Variants in UBR3 observed in about 807,000 individuals in gnomAD.
UBR3 encodes ubiquitin protein ligase E3 component n-recognin 3, also known as E3 ubiquitin-protein ligase UBR3.
Under a neutral mutation model 243.2 loss-of-function variants are expected in UBR3, and 85 were observed. That is an observed-to-expected ratio of 0.35 (90% CI 0.29 to 0.42). UBR3 has a LOEUF of 0.42. Among genes scored for constraint, UBR3 ranks in the 10% least tolerant of loss-of-function variants. The pLI is 1.00. For missense variants in UBR3, 1,686 were observed against 2,300.8 expected (o/e 0.73, Z 5.47); for synonymous variants, 748 against 799.8 (o/e 0.94, Z 1.09).
At chr2:169,871,768 A>AGAT (rs1488981742) in intron 1 of UBR3, among the ~76,000 whole-genome samples, 1 of 151,712 alleles carries the variant, frequency 6.6e-6, no homozygotes, top group African/African-American at 2.4e-5. Context: ...AATATAAACA[A>AGAT]GATTAGAAGG....
chr2:170,079,422 G>A (rs1574490866), intron 36 of UBR3, among the ~76,000 whole-genome samples: 1 of 152,086 alleles, frequency 6.6e-6, no homozygotes, highest in East Asian at 1.9e-4. Context: ...AATTGTTTGA[G>A]AATGATCAAA....
At chr2:170,055,396 T>G in intron 32 of UBR3, 64 bp from the exon 33 acceptor site, 1 of 1,556,214 alleles carries the variant, frequency 6.4e-7, no homozygotes, top group Non-Finnish European at 8.7e-7. Flanking sequence ...CATATATTTG[T>G]AAAACTATGT....
rs543247397 is a variant in UBR3 at position 169,921,540 on chromosome 2, G to A, written c.1867-2389G>A. On this transcript the variant is annotated intron_variant, in intron 11 of 38. Transcript: ENST00000272793. Reference sequence around the variant, plus strand: ...CCTGAAAGATAAAATAGGGTCCATGGCTTACTAGTTAATAGCAATATGTAC... The same window carrying A: ...CCTGAAAGATAAAATAGGGTCCATGACTTACTAGTTAATAGCAATATGTAC... Among the ~76,000 whole-genome samples the A allele has an allele frequency of 3.9e-5, 6 of 152,276 alleles. No homozygotes were observed. In the South Asian group the frequency reaches 6.2e-4, roughly 16 times the overall value.
chr2:170,079,395 T>C (rs771037221), intron 36 of UBR3, among the ~76,000 whole-genome samples: 1 of 152,178 alleles, frequency 6.6e-6, no homozygotes, highest in Non-Finnish European at 1.5e-5. Flanking sequence ...TGATCTGTCC[T>C]AAAGAAAAAG....
At chr2:169,927,921 A>T (rs756256368) in intron 17 of UBR3, among the ~76,000 whole-genome samples, 1 of 152,250 alleles carries the variant, frequency 6.6e-6, no homozygotes, top group African/African-American at 2.4e-5. Flanking sequence ...TGAACATACA[A>T]TGAGAATCTG....
At chr2:170,010,807 C>G (rs1414381142) in intron 29 of UBR3, among the ~76,000 whole-genome samples, 1 of 152,024 alleles carries the variant, frequency 6.6e-6, no homozygotes, top group African/African-American at 2.4e-5. Context: ...TGGAATTCCC[C>G]AAAATATTGC....
intron 30 of UBR3, among the ~76,000 whole-genome samples, chr2:170,019,061 G>A (rs541033869): frequency 6.6e-6 from 1 of 152,180 alleles, no homozygotes; most frequent in Admixed American, 6.5e-5. Flanking sequence ...CTGTCTTTGG[G>A]TCTGAGAATT....
chr2:169,915,421 G>T (rs1472640127), intron 11 of UBR3, among the ~76,000 whole-genome samples: 1 of 151,928 alleles, frequency 6.6e-6, no homozygotes, highest in Non-Finnish European at 1.5e-5. Flanking sequence ...TTTTTAGTAG[G>T]GACGGAGTTT....
intron 5 of UBR3, among the ~76,000 whole-genome samples, chr2:169,887,936 C>G (rs2084169427): frequency 6.6e-6 from 1 of 151,146 alleles, no homozygotes; most frequent in Admixed American, 6.6e-5. Flanking sequence ...GCCACCATGC[C>G]CAGCTAATTT....
At chr2:170,052,243 T>G (rs1275371233) in intron 32 of UBR3, among the ~76,000 whole-genome samples, 1 of 152,198 alleles carries the variant, frequency 6.6e-6, no homozygotes, top group Admixed American at 6.5e-5. Context: ...TTCTGATTGT[T>G]GACTCATTGT....
chr2:169,909,127 T>G (rs1230987951), intron 10 of UBR3, among the ~76,000 whole-genome samples: 5 of 152,098 alleles, frequency 3.3e-5, no homozygotes, highest in Non-Finnish European at 5.9e-5. Flanking sequence ...CCGGCCTTGA[T>G]TGGTCCTTTT....
chr2:170,069,336 A>G (rs949297135), intron 35 of UBR3, among the ~76,000 whole-genome samples: 2 of 152,068 alleles, frequency 1.3e-5, no homozygotes, highest in African/African-American at 4.8e-5. Flanking sequence ...AGTAAAAATT[A>G]TATATATAGT....
intron 18 of UBR3, among the ~76,000 whole-genome samples, chr2:169,932,476 C>T (rs756936468): frequency 1.2e-4 from 18 of 152,048 alleles, no homozygotes; most frequent in Non-Finnish European, 2.1e-4. Context: ...GTTGCCTGGG[C>T]TGGTCTCAAA....
chr2:169,916,065 A>T (rs1244930399), intron 11 of UBR3, among the ~76,000 whole-genome samples: 1 of 152,154 alleles, frequency 6.6e-6, no homozygotes, highest in Non-Finnish European at 1.5e-5. Flanking sequence ...GTGGAACAGT[A>T]TTTAGAAAAA....
intron 10 of UBR3, among the ~76,000 whole-genome samples, chr2:169,913,546 A>G (rs2085338893): frequency 6.6e-6 from 1 of 152,142 alleles, no homozygotes; most frequent in African/African-American, 2.4e-5. Flanking sequence ...AGGTATTCAC[A>G]GGTTACTTAC....
intron 8 of UBR3, among the ~76,000 whole-genome samples, chr2:169,901,615 A>G (rs2084826471): frequency 6.6e-6 from 1 of 152,148 alleles, no homozygotes; most frequent in East Asian, 1.9e-4. Flanking sequence ...TTGTTAGATG[A>G]TATTTTAAAA....
At chr2:169,942,431 A>G in intron 19 of UBR3, 62 bp from the exon 20 acceptor site, 1 of 1,466,168 alleles carries the variant, frequency 6.8e-7, no homozygotes, top group African/African-American at 1.4e-5. Flanking sequence ...TATAAATTAC[A>G]TTTAAACCAC....
chr2:170,066,432 T>C (rs1475962368), intron 35 of UBR3, among the ~76,000 whole-genome samples: 1 of 152,200 alleles, frequency 6.6e-6, no homozygotes, highest in Admixed American at 6.5e-5. Context: ...CATAGCATTG[T>C]TTGTAAAGTA....
At chr2:170,053,551 A>ATT (rs2091269861) in intron 32 of UBR3, among the ~76,000 whole-genome samples, 1 of 152,166 alleles carries the variant, frequency 6.6e-6, no homozygotes, top group Non-Finnish European at 1.5e-5. Context: ...AGCTATGAGT[A>ATT]TGACTCTGTA....
Sources: gnomAD v4.1 joint callset for allele counts (sites outside exome capture counted in the v4.1 genomes callset) on GRCh38, gnomAD v4.1.1 for gene constraint, MANE v1.5 for transcripts, NCBI Gene and HGNC (gene_info 2026-07-23, HGNC 2026-07-21) for gene names.